Variants in TNRC6C observed in about 807,000 individuals in gnomAD.
TNRC6C encodes trinucleotide repeat containing adaptor 6C, also known as trinucleotide repeat-containing gene 6C protein.
TNRC6C carries 20 observed loss-of-function variants against 153.7 expected under a neutral mutation model. That is an observed-to-expected ratio of 0.13 (90% CI 0.09 to 0.19). The LOEUF is 0.19. Among genes scored for constraint, TNRC6C ranks in the 10% least tolerant of loss-of-function variants. The probability of loss-of-function intolerance (pLI) is 1.00; values close to 1 mark genes in which losing one functional copy is unlikely to be tolerated. For synonymous variants in TNRC6C, 811 were observed against 841.4 expected (o/e 0.96, Z 0.63); for missense variants, 1,987 against 2,172.0 (o/e 0.91, Z 1.69).
At chr17:77,988,238 C>G (rs1278952590) in intron 1 of TNRC6C, among the ~76,000 whole-genome samples, 2 of 152,078 alleles carry the variant, frequency 1.3e-5, no homozygotes, top group African/African-American at 4.8e-5. Context: ...AAAAACTTAG[C>G]TGGGTGTGGT....
At chr17:78,098,313 T>C in intron 16 of TNRC6C, 30 bp from the exon 20 acceptor site, 4 of 1,569,876 alleles carry the variant, frequency 2.5e-6, no homozygotes, top group Non-Finnish European at 3.5e-6. Context: ...GTCTCAAGAC[T>C]GCATATGCTC....
rs1379088303 is a variant in TNRC6C, at chr17:78,104,019, G to C, written c.4712+466G>C. ...CCTCACAGGTATCTTGGGACTTACT[G>C]GTTTTTTTCTGCTGCTGAGTTGCTG... On this transcript the variant is annotated intron_variant, in intron 19 of 19. Coordinates refer to ENST00000301624, the Ensembl canonical transcript of TNRC6C. This position sits in a 1 kb window ranked among gnomAD's most constrained non-coding sequence, Gnocchi z 6.2. Among the ~76,000 whole-genome samples the C allele has an allele frequency of 1.3e-5, 2 of 152,178 alleles. No homozygotes were observed. The highest frequency in any genetic ancestry group is 4.8e-5 in the African/African-American group (2 of 41,442).
chr17:77,976,931 GAAAAAAAAAAAAAAAA>G (rs57726847), intron 1 of TNRC6C, among the ~76,000 whole-genome samples: 1 of 46,584 alleles, frequency 2.1e-5, no homozygotes, highest in East Asian at 7.4e-4. Flanking sequence ...CTCCATCTCA[GAAAAAAAAAAAAAAAA>G]AAAAAAAAAA....
At position 78,054,146 on chromosome 17, in the gene TNRC6C, GA is replaced by G. The variant is rs376157311; in HGVS notation, c.2395+2693del. ...GGTAAGTATTTATATATCTAAACAT[GA>G]AAAGGGGACATTAAAATATGGTATA... On this transcript the variant is annotated intron_variant, in intron 3 of 19. Coordinates refer to ENST00000301624, the Ensembl canonical transcript of TNRC6C. Among the ~76,000 whole-genome samples, 404 of 152,290 alleles carry G rather than the reference GA, an allele frequency of 2.7e-3. 2 individuals carry two copies. The highest frequency in any genetic ancestry group is 9.3e-3 in the African/African-American group (386 of 41,534).
chr17:78,092,144 A>T (rs1257091845), intron 14 of TNRC6C, among the ~76,000 whole-genome samples: 1 of 152,224 alleles, frequency 6.6e-6, no homozygotes, highest in African/African-American at 2.4e-5. Context: ...CTCACTCTCA[A>T]GCATTAAATT....
chr17:77,987,302 T>A (rs1478932806), intron 1 of TNRC6C, among the ~76,000 whole-genome samples: 2 of 152,244 alleles, frequency 1.3e-5, no homozygotes, highest in Non-Finnish European at 2.9e-5. Context: ...TGAAATACTT[T>A]ATCAGATTAG....
upstream of TNRC6C, among the ~76,000 whole-genome samples, chr17:77,958,089 G>A (rs2070822940): frequency 1.3e-5 from 2 of 152,032 alleles, no homozygotes; most frequent in African/African-American, 2.4e-5. Flanking sequence ...AAGGACTCGT[G>A]TGCGTGTGCG....
intron 17 of TNRC6C, among the ~76,000 whole-genome samples, chr17:78,101,643 A>C (rs1458360851): frequency 2.0e-5 from 3 of 152,176 alleles, no homozygotes; most frequent in Non-Finnish European, 2.9e-5. Context: ...ATTAACAGCA[A>C]GTCAGTCATT....
At chr17:77,958,133 G>A (rs541720584), upstream of TNRC6C, among the ~76,000 whole-genome samples, 14 of 152,110 alleles carry the variant, frequency 9.2e-5, no homozygotes, top group South Asian at 2.9e-3. Flanking sequence ...GCGTGTGCAC[G>A]GCACGGGCGA....
chr17:77,980,575 A>AAGT (rs2071061320), intron 1 of TNRC6C, among the ~76,000 whole-genome samples: 2 of 152,100 alleles, frequency 1.3e-5, no homozygotes, highest in East Asian at 3.9e-4. Context: ...TCAGGTGGGT[A>AAGT]CCCTCCAATT....
upstream of TNRC6C, among the ~76,000 whole-genome samples, chr17:78,001,109 C>T (rs1400335500): frequency 6.6e-6 from 1 of 152,150 alleles, no homozygotes; most frequent in Non-Finnish European, 1.5e-5. Flanking sequence ...ATGAGTGTTG[C>T]TCCTTTTTCT....
rs965874188 is a variant in TNRC6C at position 78,104,835 on chromosome 17, A to G, written c.5063A>G (p.Glu1688Gly). 7 of 1,432,156 alleles carry G rather than the reference A, an allele frequency of 4.9e-6. No homozygotes were observed. The highest frequency in any genetic ancestry group is 2.8e-5 in the Admixed American group (1 of 35,762). The allele number at this position is 1,432,156 out of a possible 1,614,324, so 88.7% of individuals were successfully genotyped here. Reference sequence around the variant, plus strand: ...CTGCCTGGGGACCTGCTCAGCGGGGAGTCCCTGTAGGCTCTGCCATCATCA... The same window carrying G: ...CTGCCTGGGGACCTGCTCAGCGGGGGGTCCCTGTAGGCTCTGCCATCATCA... Residue 1688 changes from glutamate (E) to glycine (G), a missense_variant, in exon 20 of 20, where the codon GAG becomes GGG. Glu to Gly is a moderately conservative substitution (Grantham distance 98, BLOSUM62 -2). This residue lies in a region of TNRC6C where 139 missense variants were observed against 148.5 expected (regional missense o/e 0.94). Coordinates refer to ENST00000301624, the Ensembl canonical transcript of TNRC6C. This position sits in a 1 kb window ranked among gnomAD's most constrained non-coding sequence, Gnocchi z 6.2.
At chr17:78,025,292 T>G (rs1347869494) in intron 1 of TNRC6C, among the ~76,000 whole-genome samples, 1 of 152,212 alleles carries the variant, frequency 6.6e-6, no homozygotes, top group Non-Finnish European at 1.5e-5. Context: ...TTTTGCCTTC[T>G]CCAAAATGTC....
At chr17:78,036,930 A>AAAAG (rs565023371) in intron 2 of TNRC6C, among the ~76,000 whole-genome samples, 3 of 152,156 alleles carry the variant, frequency 2.0e-5, no homozygotes, top group South Asian at 2.1e-4. Context: ...TTAAAAAAAA[A>AAAAG]AAAGAAAGAA....
chr17:78,043,303 A>G (rs2072338059), intron 2 of TNRC6C, among the ~76,000 whole-genome samples: 1 of 152,246 alleles, frequency 6.6e-6, no homozygotes, highest in Non-Finnish European at 1.5e-5. Context: ...GCTGCAGCCT[A>G]TCCCAAGAAG....
chr17:78,041,900 A>G (rs2072304011), intron 2 of TNRC6C, among the ~76,000 whole-genome samples: 1 of 152,234 alleles, frequency 6.6e-6, no homozygotes, highest in African/African-American at 2.4e-5. Context: ...ACTATTTGTC[A>G]GTGTTAGTAC....
chr17:78,097,661 C>G (rs183839095), intron 16 of TNRC6C, 84 bp from the exon 19 acceptor site: 2 of 943,170 alleles, frequency 2.1e-6, no homozygotes, highest in Admixed American at 3.0e-5. Context: ...GAGGTTGATT[C>G]CTGATGGTTC....
Position 78,075,082 on chromosome 17 carries a change from G to A in TNRC6C, c.2918-54G>A. ...AGGCCTTAGCTGGTGCCTATCTTGT[G>A]CTCAGCACTCACTTGTTTTGTTTAC... On this transcript the variant is annotated intron_variant, in intron 7 of 19. Coordinates refer to ENST00000301624, the Ensembl canonical transcript of TNRC6C. This position sits in a 1 kb window ranked among gnomAD's most constrained non-coding sequence, Gnocchi z 4.2. 5.7e-6 allele frequency: 9 copies of A among 1,592,146 alleles called. No individual in the cohort carries two copies. Among genetic ancestry groups the A allele is most frequent in the Non-Finnish European group, 6.8e-6 (8 of 1,168,146 alleles).
At chr17:78,010,081 C>T (rs748758524) in intron 1 of TNRC6C, among the ~76,000 whole-genome samples, 2 of 150,852 alleles carry the variant, frequency 1.3e-5, no homozygotes, top group Non-Finnish European at 3.0e-5. Context: ...CAGGGTTTCG[C>T]CCTGTTGCCC....
Sources: gnomAD v4.1 joint callset for allele counts (sites outside exome capture counted in the v4.1 genomes callset) on GRCh38, gnomAD v4.1.1 for gene constraint, gnomAD v4.1.1 regional missense constraint, Gnocchi (gnomAD v3.1) non-coding constraint, MANE v1.5 for transcripts, NCBI Gene and HGNC (gene_info 2026-07-23, HGNC 2026-07-21) for gene names.